Variants in HSPA8 observed in about 807,000 individuals in gnomAD.
HSPA8 encodes heat shock cognate 71 kDa protein.
In HSPA8, 2 loss-of-function variants were observed where a neutral mutation model predicts 52.8. The observed-to-expected ratio is 0.04, with a 90% CI of 0.02 to 0.12. HSPA8 has a LOEUF of 0.12. Ranked by LOEUF, HSPA8 falls within the 10% of genes least tolerant of loss-of-function variation. The pLI is 1.00. For missense variants in HSPA8, 349 were observed against 800.5 expected (o/e 0.44, Z 6.81); for synonymous variants, 436 against 274.0 (o/e 1.59, Z -5.84).
Position 123,058,137 on chromosome 11 carries a change from T to C in HSPA8, c.1755+115A>G, listed in dbSNP as rs1865365919. The C allele has an allele frequency of 5.1e-6, 4 of 779,998 alleles. No individual in the cohort carries two copies. The Admixed American group carries it at 1.0e-4, about 20-fold the overall frequency. 48.3% of individuals were successfully genotyped at this position (779,998 alleles called of 1,614,324 possible). On this transcript the variant is annotated intron_variant, in intron 8 of 8. Coordinates refer to ENST00000534624, the MANE Select transcript of HSPA8 (RefSeq NM_006597.6). ...CTTGAATTCTGGTGGAAACCGCGAA[T>C]GTTTTGGACCATTCATCATTGTGAC...
At chr11:123,061,035 A>T (rs1426807105) in intron 2 of HSPA8, 85 bp downstream of exon 2, 6 of 1,247,508 alleles carry the variant, frequency 4.8e-6, no homozygotes, top group African/African-American at 4.5e-5. Context: ...TTCTAAAATC[A>T]AAAAGTTCCC....
At chr11:123,058,994 G>GA in intron 6 of HSPA8, 65 bp downstream of exon 6, 2 of 1,472,356 alleles carry the variant, frequency 1.4e-6, no homozygotes, top group Non-Finnish European at 9.5e-7. Context: ...TCATCATAGC[G>GA]AGTCAGTCAA....
chr11:123,058,538 ACT>A (rs1865388628), intron 7 of HSPA8, 54 bp from the exon 8 acceptor site: 2 of 1,584,038 alleles, frequency 1.3e-6, no homozygotes, highest in African/African-American at 1.3e-5. Context: ...TGTATGTGTA[ACT>A]CTAGTTTCTC....
rs763204793 is a variant in HSPA8, at chr11:123,058,406, T to G, written c.1601A>C (p.Asp534Ala). 1 of 1,613,974 alleles carries G rather than the reference T, an allele frequency of 6.2e-7. No homozygotes were observed. The highest frequency in any genetic ancestry group is 8.5e-7 in the Non-Finnish European group (1 of 1,179,928). ...AAGTGAATTCTTGGATGACACCTTGTCCCTCTGCTTCTCATCTTCAGCTTT... is the reference window on the plus strand; with the variant it reads ...AAGTGAATTCTTGGATGACACCTTGGCCCTCTGCTTCTCATCTTCAGCTTT... Reference protein sequence around the residue: ...KYKAEDEKQRDKVSSKNSLES... With the variant: ...KYKAEDEKQRAKVSSKNSLES... The change falls in exon 8 of 9, where the codon GAC becomes GCC. Residue 534 changes from aspartate to alanine, a missense_variant. Transcript: ENST00000534624.
chr11:123,061,353 T>C (rs1208478777), intron 1 of HSPA8, 24 bp from the exon 2 acceptor site: 2 of 1,560,588 alleles, frequency 1.3e-6, no homozygotes, highest in Admixed American at 1.7e-5. Flanking sequence ...AAATCTGGTT[T>C]AAAAATTCAA....
At position 123,059,468 on chromosome 11, in the gene HSPA8, G is replaced by A; in HGVS notation, c.1120+5C>T. ...CTTTAGGGTTAATTGAGATACCATT[G>A]TTACCTGCACCATAAGCAACAGCTT... On this transcript the variant is annotated splice_donor_5th_base_variant and intron_variant, in intron 5 of 8. Coordinates refer to ENST00000534624, the MANE Select transcript of HSPA8 (RefSeq NM_006597.6). 1.2e-6 allele frequency: 2 copies of A among 1,609,786 alleles called. No homozygotes were observed. Among genetic ancestry groups the A allele is most frequent in the Non-Finnish European group, 1.7e-6 (2 of 1,177,484 alleles).
chr11:123,059,432 GGCCT>G (rs749047481), intron 5 of HSPA8, 37 bp downstream of exon 5: 1 of 1,540,770 alleles, frequency 6.5e-7, no homozygotes, highest in South Asian at 1.2e-5. Context: ...AGTCACCTTG[GGCCT>G]GCCTGCCTTT....
chr11:123,060,067 T>C, intron 4 of HSPA8, 39 bp from the exon 5 acceptor site: 1 of 1,614,098 alleles, frequency 6.2e-7, no homozygotes, highest in Non-Finnish European at 8.5e-7. Flanking sequence ...TTACGATGGA[T>C]CAAATTAATC....
chr11:123,060,801 G>A lies in HSPA8; in HGVS notation c.206-3C>T, dbSNP rs573579408. ...GCGTCCAATCAGACGTTTGGCATCT[G>A]TAAAAGGTGTCAAATGAAAACACTT... On this transcript the variant is annotated splice_polypyrimidine_tract_variant and splice_region_variant and intron_variant, in intron 2 of 8. Coordinates refer to ENST00000534624, the MANE Select transcript of HSPA8 (RefSeq NM_006597.6). 8.7e-6 allele frequency: 14 copies of A among 1,606,386 alleles called. No individual in the cohort carries two copies. Among genetic ancestry groups the A allele is most frequent in the Non-Finnish European group, 1.1e-5 (13 of 1,178,228 alleles).
chr11:123,060,526 T>A (rs779539555), intron 3 of HSPA8, 67 bp downstream of exon 3: 1 of 1,212,152 alleles, frequency 8.2e-7, no homozygotes, highest in Non-Finnish European at 1.2e-6. Flanking sequence ...CAGGTGCCAG[T>A]GCCCCCGGGA....
chr11:123,059,399 T>TTTAACAATCAC (rs1555074471), intron 5 of HSPA8, 74 bp downstream of exon 5: 1 of 1,419,880 alleles, frequency 7.0e-7, no homozygotes, highest in South Asian at 1.3e-5. Flanking sequence ...ACTACGAATG[T>TTTAACAATCAC]TTAACAATCA....
intron 6 of HSPA8, 57 bp from the exon 7 acceptor site, chr11:123,058,887 G>A (rs1488426735): frequency 2.0e-6 from 3 of 1,534,096 alleles, no homozygotes; most frequent in Admixed American, 3.4e-5. Flanking sequence ...GACAGTGCTA[G>A]GGTCCTGCTA....
intron 6 of HSPA8, 84 bp from the exon 7 acceptor site, chr11:123,058,914 C>T: frequency 1.4e-6 from 2 of 1,456,398 alleles, no homozygotes; most frequent in East Asian, 2.3e-5. Context: ...AATGGTCGCT[C>T]AAACATCCAA....
In HSPA8 at chr11:123,057,824, C is replaced by A. The variant is rs1401650031; in HGVS notation, c.1851G>T (p.Met617Ile). 6.2e-7 allele frequency: 1 copy of A among 1,612,598 alleles called. No individual in the cohort carries two copies. The highest frequency in any genetic ancestry group is 1.3e-5 in the African/African-American group (1 of 74,896). ...ITKLYQSAGG[M>I]PGGMPGGFPG... ...GAAATCCCCCAGGCATTCCTCCTGGCATGCCTCCTGCACTCTGGTACAGCT... is the reference window on the plus strand; with the variant it reads ...GAAATCCCCCAGGCATTCCTCCTGGAATGCCTCCTGCACTCTGGTACAGCT... The change falls in exon 9 of 9, where the codon ATG becomes ATT. Residue 617 changes from methionine (M) to isoleucine (I), a missense_variant. Met to Ile is a conservative substitution (Grantham distance 10). Coordinates refer to ENST00000534624, the MANE Select transcript of HSPA8 (RefSeq NM_006597.6).
chr11:123,057,950 T>G, intron 8 of HSPA8, 31 bp from the exon 9 acceptor site: 3 of 1,525,342 alleles, frequency 2.0e-6, no homozygotes, highest in Admixed American at 1.9e-5. Flanking sequence ...TTACTGCAAG[T>G]TCTTTTAATG....
chr11:123,060,634 G>C lies in HSPA8; in HGVS notation c.370C>G (p.Leu124Val). The C allele has an allele frequency of 1.2e-6, 2 of 1,613,730 alleles. No individual in the cohort carries two copies. Among genetic ancestry groups the C allele is most frequent in the Non-Finnish European group, 1.7e-6 (2 of 1,179,792 alleles). ...FYPEEVSSMVLTKMKEIAEAY... is the reference protein window; with the variant it reads ...FYPEEVSSMVVTKMKEIAEAY... Reference sequence around the variant, plus strand: ...TCTGCAATTTCCTTCATCTTTGTCAGAACCATAGAAGACACCTCCTCTGGA... The same window carrying C: ...TCTGCAATTTCCTTCATCTTTGTCACAACCATAGAAGACACCTCCTCTGGA... Residue 124 changes from leucine to valine, a missense_variant, in exon 3 of 9, where the codon CTG becomes GTG. Coordinates refer to ENST00000534624, the MANE Select transcript of HSPA8 (RefSeq NM_006597.6).
intron 1 of HSPA8, chr11:123,061,594 C>A (rs1334719259): frequency 9.7e-6 from 5 of 513,394 alleles, no homozygotes; most frequent in African/African-American, 9.6e-5. Context: ...TTACCCCGAA[C>A]TGAGCACTGT....
rs1174182114 is a variant in HSPA8, at chr11:123,057,639, T to C, written c.*95A>G. ...ATGCCCAGTAACTTACTATAGCAGC[T>C]TAACTTTTTAAAACTGCCACAGAAT... On this transcript the variant is annotated 3_prime_UTR_variant, in exon 9 of 9. Coordinates refer to ENST00000534624, the MANE Select transcript of HSPA8 (RefSeq NM_006597.6). 1 of 968,084 alleles carries C rather than the reference T, an allele frequency of 1.0e-6. No individual in the cohort carries two copies. The highest frequency in any genetic ancestry group is 1.5e-6 in the Non-Finnish European group (1 of 646,268). 60.0% of individuals were successfully genotyped at this position (968,084 alleles called of 1,614,324 possible). A position where few individuals can be genotyped will look rare whatever the true frequency, so the allele number is the denominator to read the frequency against.
chr11:123,061,622 C>T, intron 1 of HSPA8: 1 of 450,766 alleles, frequency 2.2e-6, no homozygotes, highest in Non-Finnish European at 4.1e-6. Context: ...CCTCCCTCGC[C>T]AGGTGCCAGT....
Sources: allele counts gnomAD v4.1 joint callset, GRCh38; gene constraint gnomAD v4.1.1; transcripts MANE v1.5; gene names NCBI Gene and HGNC (gene_info 2026-07-23, HGNC 2026-07-21).